Variants in ZNF420 observed in about 807,000 individuals in gnomAD.
ZNF420 encodes zinc finger protein 420.
A neutral mutation model predicts 44.7 loss-of-function variants in ZNF420; 31 were observed. The observed-to-expected ratio is 0.69, with a 90% CI of 0.52 to 0.94. ZNF420 has a LOEUF of 0.94. Ranked by LOEUF, ZNF420 falls within the 40% of genes least tolerant of loss-of-function variation. ZNF420 has a pLI of 0.00. For synonymous variants in ZNF420, 245 were observed against 267.4 expected (o/e 0.92, Z 0.82); for missense variants, 681 against 827.9 (o/e 0.82, Z 2.18).
chr19:37,032,507 G>GAAAAA (rs35765701), intron 1 of ZNF420, among the ~76,000 whole-genome samples: 2 of 124,134 alleles, frequency 1.6e-5, no homozygotes, highest in Admixed American at 8.3e-5. Flanking sequence ...CGGTCTTTAA[G>GAAAAA]AAAAAAAAAA....
chr19:37,067,689 G>T (rs1045811580), intron 1 of ZNF420, among the ~76,000 whole-genome samples: 2 of 152,162 alleles, frequency 1.3e-5, no homozygotes, highest in African/African-American at 4.8e-5. Context: ...GATCCTCACT[G>T]AAGAAAACTG....
At chr19:37,047,467 G>C (rs1364091714) in intron 1 of ZNF420, among the ~76,000 whole-genome samples, 1 of 152,132 alleles carries the variant, frequency 6.6e-6, no homozygotes, top group Non-Finnish European at 1.5e-5. Flanking sequence ...CCTTGATCTT[G>C]GACTTCCAGC....
At chr19:37,048,820 A>G (rs1332080657) in intron 1 of ZNF420, among the ~76,000 whole-genome samples, 2 of 151,584 alleles carry the variant, frequency 1.3e-5, no homozygotes, top group East Asian at 3.9e-4. Flanking sequence ...GCACCCATTA[A>G]CTTGTCATTT....
chr19:37,116,827 G>C (rs998980868), intron 4 of ZNF420, among the ~76,000 whole-genome samples: 16 of 152,174 alleles, frequency 1.1e-4, no homozygotes, highest in Non-Finnish European at 1.9e-4. Flanking sequence ...AGCTCAGAGG[G>C]TCCTATGCCC....
rs1029811601 is a variant in ZNF420 at position 37,128,818 on chromosome 19, T to C, written c.1827T>C (p.His609=). ...GSQLTLHQRI[H]TGEKPYECRE... ...AGCTTACTCTACATCAGAGAATCCATACTGGTGAGAAGCCCTATGAATGCA... is the reference window on the plus strand; with the variant it reads ...AGCTTACTCTACATCAGAGAATCCACACTGGTGAGAAGCCCTATGAATGCA... The change falls in exon 5 of 5, where the codon CAT becomes CAC. Residue 609 remains histidine, a synonymous_variant. Transcript: ENST00000337995. 1.2e-6 allele frequency: 2 copies of C among 1,613,458 alleles called. No homozygotes were observed. Among genetic ancestry groups the C allele is most frequent in the Non-Finnish European group, 8.5e-7 (1 of 1,179,874 alleles).
intron 4 of ZNF420, among the ~76,000 whole-genome samples, chr19:37,114,415 G>A (rs373434470): frequency 1.4e-3 from 169 of 117,112 alleles, no homozygotes; most frequent in African/African-American, 4.8e-3. Context: ...TGGCATTGCC[G>A]TGACAGAGAC....
intron 2 of ZNF420, among the ~76,000 whole-genome samples, chr19:37,080,951 G>T (rs1968410983): frequency 6.6e-6 from 1 of 151,550 alleles, no homozygotes; most frequent in African/African-American, 2.4e-5. Context: ...CAGCTACTCG[G>T]GAGACTGAGG....
chr19:37,125,458 T>C (rs79942292), intron 4 of ZNF420, among the ~76,000 whole-genome samples: 2,265 of 152,282 alleles, frequency 0.015, 24 homozygotes, highest in African/African-American at 0.028. Flanking sequence ...AAGGAAGTTA[T>C]AGGGAAACCA....
At chr19:37,102,117 C>T (rs542947636) in intron 4 of ZNF420, among the ~76,000 whole-genome samples, 1 of 151,962 alleles carries the variant, frequency 6.6e-6, no homozygotes, top group East Asian at 2.0e-4. Context: ...GCCTGGACCC[C>T]CTGAGGATGT....
At chr19:37,022,904 G>T (rs12977170) in intron 1 of ZNF420, among the ~76,000 whole-genome samples, 1 of 152,086 alleles carries the variant, frequency 6.6e-6, no homozygotes, top group Admixed American at 6.6e-5. Context: ...TTGGGAGGCC[G>T]AAGCAAGCGG....
chr19:37,040,010 A>G (rs536559980), intron 1 of ZNF420, among the ~76,000 whole-genome samples: 13 of 152,310 alleles, frequency 8.5e-5, no homozygotes, highest in African/African-American at 3.1e-4. Flanking sequence ...GATTACAGGC[A>G]TGAGCCACCG....
At chr19:37,026,563 C>T (rs1967164003) in intron 1 of ZNF420, among the ~76,000 whole-genome samples, 2 of 152,172 alleles carry the variant, frequency 1.3e-5, no homozygotes, top group South Asian at 4.1e-4. Flanking sequence ...AGGTGATCTG[C>T]CCACCTCGGC....
At chr19:37,056,237 C>G (rs987214542) in intron 1 of ZNF420, among the ~76,000 whole-genome samples, 3 of 152,166 alleles carry the variant, frequency 2.0e-5, no homozygotes, top group Non-Finnish European at 4.4e-5. Context: ...CTTCGCTCCT[C>G]TGACAGGCAT....
At chr19:37,081,816 G>C (rs1325947707) in intron 2 of ZNF420, among the ~76,000 whole-genome samples, 1 of 150,600 alleles carries the variant, frequency 6.6e-6, no homozygotes. Context: ...AAAGTGCAGG[G>C]ATTACAGGTG....
intron 4 of ZNF420, among the ~76,000 whole-genome samples, chr19:37,093,863 T>A (rs1055320485): frequency 1.3e-5 from 2 of 152,138 alleles, no homozygotes; most frequent in African/African-American, 4.8e-5. Flanking sequence ...GAGAAGTGAC[T>A]GCTAATGAAC....
chr19:37,031,586 A>G (rs1599604890), intron 1 of ZNF420, among the ~76,000 whole-genome samples: 1 of 151,702 alleles, frequency 6.6e-6, no homozygotes. Flanking sequence ...GCTCACGGCA[A>G]CCTCCGCCTC....
chr19:37,008,375 G>T (rs1271153144), intron 1 of ZNF420, among the ~76,000 whole-genome samples: 1 of 152,154 alleles, frequency 6.6e-6, no homozygotes, highest in African/African-American at 2.4e-5. Flanking sequence ...GCAATTTCTT[G>T]CATGTCGGCC....
intron 1 of ZNF420, among the ~76,000 whole-genome samples, chr19:37,079,026 C>T (rs1278714587): frequency 3.3e-5 from 5 of 152,018 alleles, no homozygotes; most frequent in African/African-American, 1.2e-4. Context: ...TGATTTCGTA[C>T]TGGGTTGGGT....
chr19:37,021,591 G>A (rs1048568016), intron 1 of ZNF420, among the ~76,000 whole-genome samples: 10 of 152,094 alleles, frequency 6.6e-5, no homozygotes, highest in Admixed American at 6.6e-4. Context: ...GTTGCATTTG[G>A]TTACTGGTCA....
Sources: allele counts gnomAD v4.1 joint callset (sites outside exome capture counted in the v4.1 genomes callset), GRCh38; gene constraint gnomAD v4.1.1; transcripts MANE v1.5; gene names NCBI Gene and HGNC (gene_info 2026-07-23, HGNC 2026-07-21).